PIWIL3: variants seen among roughly 807,000 people sequenced by gnomAD.
The protein encoded by PIWIL3 is piwi like RNA-mediated gene silencing 3.
Under a neutral mutation model 109.7 loss-of-function variants are expected in PIWIL3, and 101 were observed. That is an observed-to-expected ratio of 0.92 (90% confidence interval 0.78 to 1.09). The LOEUF (loss-of-function observed/expected upper bound fraction) is 1.09, where lower values mean the gene tolerates loss of function less well. Among genes scored for constraint, PIWIL3 ranks in the 50% least tolerant of loss-of-function variants. PIWIL3 has a pLI of 0.00. For synonymous variants in PIWIL3, 373 were observed against 376.4 expected (o/e 0.99, Z 0.10); for missense variants, 1,031 against 1,072.6 (o/e 0.96, Z 0.54).
rs778001490 is a variant in PIWIL3 at position 24,762,512 on chromosome 22, G to T, written c.-13C>A. ...CCCTACCAGGCATTGTGGTCCTGAAGGTGATGACCCTGAAGAATACAGTTA... is the reference window on the plus strand; with the variant it reads ...CCCTACCAGGCATTGTGGTCCTGAATGTGATGACCCTGAAGAATACAGTTA... On this transcript the variant is annotated 5_prime_UTR_variant, in exon 2 of 21. Transcript: ENST00000616349. 1 of 1,608,764 alleles carries T rather than the reference G, an allele frequency of 6.2e-7. No individual in the cohort carries two copies. Among genetic ancestry groups the T allele is most frequent in the Admixed American group, 1.7e-5 (1 of 58,998 alleles).
At position 24,756,603 on chromosome 22, in the gene PIWIL3, A is replaced by G. The variant is rs763806731; in HGVS notation, c.458T>C (p.Ile153Thr). ...YKYNVDYKPD[I>T]EDGNLRTILL... ...AATTGTACGGAGATTTCCATCTTCT[A>G]TGTCTGGTTTGTAGTCAACGTTGTA... is the stretch of plus-strand genomic sequence containing the variant. The change falls in exon 5 of 21, where the codon ATA (isoleucine) becomes ACA (threonine). Residue 153 changes from isoleucine to threonine, a missense_variant. Transcript: ENST00000616349. 1.2e-6 allele frequency: 2 copies of G among 1,614,024 alleles called. No individual in the cohort carries two copies. The highest frequency in any genetic ancestry group is 1.7e-5 in the Admixed American group (1 of 60,024).
At chr22:24,770,710 CT>C (rs1417360299) in intron 1 of PIWIL3, among the ~76,000 whole-genome samples, 1 of 151,180 alleles carries the variant, frequency 6.6e-6, no homozygotes, top group Non-Finnish European at 1.5e-5. Flanking sequence ...TGGCAGGCAC[CT>C]GTAATACCAG....
At chr22:24,720,280 TTTTTTTTTTTA>T (rs1922596206) in intron 19 of PIWIL3, among the ~76,000 whole-genome samples, 1 of 143,972 alleles carries the variant, frequency 6.9e-6, no homozygotes, top group Non-Finnish European at 1.5e-5. Context: ...TTTTTTTTTT[TTTTTTTTTTTA>T]GACGGAGTCT....
chr22:24,728,040 A>G lies in PIWIL3; in HGVS notation c.1919T>C (p.Met640Thr). The G allele has an allele frequency of 1.2e-6, 2 of 1,614,000 alleles. No individual in the cohort carries two copies. Among genetic ancestry groups the G allele is most frequent in the Non-Finnish European group, 1.7e-6 (2 of 1,179,950 alleles). Reference protein sequence around the residue: ...WKVETDVQRTMFVGIDCFHDI... With the variant: ...WKVETDVQRTTFVGIDCFHDI... ...GTGGAAACAATCAATGCCAACGAAC[A>G]TTGTTCTTTGTACCTTAAGTTTGTT... Residue 640 changes from methionine (M) to threonine (T), a missense_variant, in exon 16 of 21, where the codon ATG becomes ACG. By Grantham distance (81) the Met-to-Thr change is moderately conservative. Transcript: ENST00000616349.
Position 24,749,003 on chromosome 22 carries a change from C to T in PIWIL3, c.1353G>A (p.Glu451=), listed in dbSNP as rs1316743588. ...ATTTCAAATCCCAGAGTTGAAGTAA[C>T]TCTCGTACTTTTTTATTACTGAAAA... ...NTLQDNKKVR[E]LLQLWDLKFD... Residue 451 remains glutamate, a synonymous_variant, in exon 12 of 21, where the codon GAG becomes GAA. Transcript: ENST00000616349. 1.2e-6 allele frequency: 2 copies of T among 1,612,114 alleles called. No homozygotes were observed. Among genetic ancestry groups the T allele is most frequent in the Non-Finnish European group, 1.7e-6 (2 of 1,179,032 alleles).
In PIWIL3 at chr22:24,748,991, G is replaced by T. The variant is rs776674503; in HGVS notation, c.1365C>A (p.Leu455=). 2.4e-5 allele frequency: 38 copies of T among 1,613,402 alleles called. No individual in the cohort carries two copies. In the South Asian group the frequency reaches 4.2e-4, roughly 18 times the overall value. Reference sequence around the variant, plus strand: ...AATTGGTATCAAATTTCAAATCCCAGAGTTGAAGTAACTCTCGTACTTTTT... The same window carrying T: ...AATTGGTATCAAATTTCAAATCCCATAGTTGAAGTAACTCTCGTACTTTTT... ...DNKKVRELLQ[L]WDLKFDTNFL... is the part of the protein sequence containing the mutation. Residue 455 remains leucine, a synonymous_variant, in exon 12 of 21, where the codon CTC becomes CTA. Coordinates refer to ENST00000616349, the MANE Select transcript of PIWIL3 (RefSeq NM_001255975.1).
chr22:24,723,025 A>G, intron 19 of PIWIL3, 105 bp downstream of exon 19: 1 of 1,279,776 alleles, frequency 7.8e-7, no homozygotes, highest in Non-Finnish European at 1.1e-6. Context: ...GTTCTAAAGA[A>G]TCAGCAGTGC....
chr22:24,728,143 G>GT (rs766365360), intron 15 of PIWIL3, 34 bp downstream of exon 15: 3 of 1,609,798 alleles, frequency 1.9e-6, no homozygotes, highest in Non-Finnish European at 2.6e-6. Context: ...TTTATTAGAA[G>GT]TAAGTTAAAC....
In PIWIL3 at chr22:24,757,996, G is replaced by T. The variant is rs114692667; in HGVS notation, c.267C>A (p.Pro89=). 1.2e-6 allele frequency: 2 copies of T among 1,613,862 alleles called. No individual in the cohort carries two copies. The highest frequency in any genetic ancestry group is 2.2e-5 in the South Asian group (2 of 91,050). The stretch of plus-strand genomic sequence containing the variant: ...CTCCACCAATCCTTCTCTCCTGCAA[G>T]GGCGCTGTATGCAACCCAGCCTCAG... ...PGPEAGLHTA[P]LQERRIGGVF... Residue 89 remains proline (P), a synonymous_variant, in exon 4 of 21, where the codon CCC becomes CCA. Transcript: ENST00000616349.
At chr22:24,730,898 C>T (rs75509911) in intron 14 of PIWIL3, among the ~76,000 whole-genome samples, 3,250 of 152,204 alleles carry the variant, frequency 0.021, 99 homozygotes, top group African/African-American at 0.074. Flanking sequence ...AGATTTGCTT[C>T]ACTTCCTGTA....
chr22:24,720,532 A>G (rs1403203596), intron 19 of PIWIL3, among the ~76,000 whole-genome samples: 1 of 152,050 alleles, frequency 6.6e-6, no homozygotes, highest in Non-Finnish European at 1.5e-5. Context: ...CGGCCTCCCA[A>G]AGTGCTGGGA....
At position 24,735,686 on chromosome 22, in the gene PIWIL3, T is replaced by C. The variant is rs747454859; in HGVS notation, c.1634+22A>G. ...AGATTGCTAACAATCGATTTTCAAA[T>C]GGGAATTTCTGCTCTACTTACATTT... On this transcript the variant is annotated intron_variant, in intron 13 of 20. Coordinates refer to ENST00000616349, the MANE Select transcript of PIWIL3 (RefSeq NM_001255975.1). 2.6e-6 allele frequency: 4 copies of C among 1,552,132 alleles called. No individual in the cohort carries two copies. In the South Asian group the frequency reaches 3.6e-5, roughly 14 times the overall value.
Position 24,735,794 on chromosome 22 carries a change from C to T in PIWIL3, c.1548G>A (p.Arg516=), listed in dbSNP as rs750376133. 1.3e-5 allele frequency: 21 copies of T among 1,613,838 alleles called. No homozygotes were observed. The Admixed American group carries it at 3.2e-4, about 24-fold the overall frequency. Residue 516 remains arginine, a synonymous_variant, in exon 13 of 21, where the codon AGG becomes AGA. Coordinates refer to ENST00000616349, the MANE Select transcript of PIWIL3 (RefSeq NM_001255975.1). ...PLHSWLILYS[R]SSHREAMSLK... ...AGGACATGGCTTCTCTGTGACTGCT[C>T]CTGCTATAGAGTATGAGCCAACTAT...
chr22:24,768,230 T>TTTG (rs754676628), intron 1 of PIWIL3, among the ~76,000 whole-genome samples: 1 of 151,938 alleles, frequency 6.6e-6, no homozygotes, highest in African/African-American at 2.4e-5. Flanking sequence ...GTTGTTGTTT[T>TTTG]TTGTTGTTGT....
intron 12 of PIWIL3, among the ~76,000 whole-genome samples, chr22:24,745,884 A>G (rs575799848): frequency 1.3e-5 from 2 of 152,232 alleles, no homozygotes; most frequent in South Asian, 4.1e-4. Context: ...TACTAAACAT[A>G]TACAACCTAC....
intron 4 of PIWIL3, among the ~76,000 whole-genome samples, chr22:24,757,240 A>G (rs892132121): frequency 6.6e-6 from 1 of 152,164 alleles, no homozygotes; most frequent in Non-Finnish European, 1.5e-5. Context: ...TACTGAATAG[A>G]TTGAAAATTA....
chr22:24,729,551 T>C (rs1461869844), intron 14 of PIWIL3, among the ~76,000 whole-genome samples: 1 of 152,220 alleles, frequency 6.6e-6, no homozygotes, highest in Non-Finnish European at 1.5e-5. Flanking sequence ...TGGGTTGGAT[T>C]TCCAGTGGGA....
At position 24,740,924 on chromosome 22, in the gene PIWIL3, C is replaced by A. The variant is rs557016407; in HGVS notation, c.1450-5032G>T. The stretch of plus-strand genomic sequence containing the variant: ...AAATCATTCTATGAAGCCAGTATCA[C>A]CCTAATACCAAAACCAAGAAAGAAG... On this transcript the variant is annotated intron_variant, in intron 12 of 20. Coordinates refer to ENST00000616349, the MANE Select transcript of PIWIL3 (RefSeq NM_001255975.1). Among the ~76,000 whole-genome samples, 13 of 152,240 alleles carry A rather than the reference C, an allele frequency of 8.5e-5. 1 individual carries two copies. In the South Asian group the frequency reaches 2.5e-3, roughly 29 times the overall value.
Position 24,735,875 on chromosome 22 carries a change from T to C in PIWIL3, c.1467A>G (p.Gln489=). 6.2e-7 allele frequency: 1 copy of C among 1,601,724 alleles called. No individual in the cohort carries two copies. The highest frequency in any genetic ancestry group is 1.7e-4 in the Middle Eastern group (1 of 6,002). ...QGRRMVKANS[Q]GDWSREIREL... is the part of the protein sequence containing the mutation. ...CTCTTATTTCTCTTGACCAGTCTCCTTGTGAATTGGCTTTAACCTGGAAAA... is the reference window on the plus strand; with the variant it reads ...CTCTTATTTCTCTTGACCAGTCTCCCTGTGAATTGGCTTTAACCTGGAAAA... The change falls in exon 13 of 21, where the codon CAA becomes CAG. Residue 489 remains glutamine (Q), a synonymous_variant. Coordinates refer to ENST00000616349, the MANE Select transcript of PIWIL3 (RefSeq NM_001255975.1).
Sources: gnomAD v4.1 joint callset for allele counts (sites outside exome capture counted in the v4.1 genomes callset) on GRCh38, gnomAD v4.1.1 for gene constraint, MANE v1.5 for transcripts, NCBI Gene and HGNC (gene_info 2026-07-23, HGNC 2026-07-21) for gene names.